Variants in ASTN2 observed in about 807,000 individuals in gnomAD.
ASTN2 encodes the protein astrotactin-2.
ASTN2 carries 54 observed loss-of-function variants against 139.8 expected under a neutral mutation model. The ratio of observed to expected loss-of-function variants is 0.39; its 90% CI spans 0.31 to 0.48. The LOEUF (loss-of-function observed/expected upper bound fraction) is 0.48. Ranked by LOEUF, ASTN2 falls within the 20% of genes least tolerant of loss-of-function variation. The probability of loss-of-function intolerance (pLI) is 0.95; values close to 1 mark genes in which losing one functional copy is unlikely to be tolerated. For synonymous variants in ASTN2, 756 were observed against 719.5 expected (o/e 1.05, Z -0.81); for missense variants, 1,565 against 1,725.1 (o/e 0.91, Z 1.64).
At chr9:117,021,768 A>C (rs1442001035) in intron 6 of ASTN2, among the ~76,000 whole-genome samples, 2 of 152,170 alleles carry the variant, frequency 1.3e-5, no homozygotes, top group Non-Finnish European at 2.9e-5. Context: ...GAGGTAATAC[A>C]TGTAAATTAA....
At chr9:116,836,214 T>C (rs1749706642) in intron 11 of ASTN2, among the ~76,000 whole-genome samples, 1 of 151,714 alleles carries the variant, frequency 6.6e-6, no homozygotes. Flanking sequence ...CCACACTGAG[T>C]GGAAGGTGGC....
intron 1 of ASTN2, among the ~76,000 whole-genome samples, chr9:117,297,590 T>C (rs1220463741): frequency 6.6e-6 from 1 of 152,182 alleles, no homozygotes; most frequent in Non-Finnish European, 1.5e-5. Flanking sequence ...AGGCTTGGGC[T>C]AGGTTAAGGC....
At chr9:116,558,160 C>T (rs1211805423) in intron 19 of ASTN2, among the ~76,000 whole-genome samples, 3 of 152,118 alleles carry the variant, frequency 2.0e-5, no homozygotes, top group Admixed American at 6.6e-5. Flanking sequence ...GCACACAGCC[C>T]CCACCCCATC....
At chr9:116,527,764 ATGCTG>A (rs1851157809) in intron 19 of ASTN2, among the ~76,000 whole-genome samples, 1 of 152,034 alleles carries the variant, frequency 6.6e-6, no homozygotes, top group Non-Finnish European at 1.5e-5. Context: ...GGTCACCCCC[ATGCTG>A]TTCTCATGAT....
intron 2 of ASTN2, among the ~76,000 whole-genome samples, chr9:117,236,167 C>T (rs1409678234): frequency 6.6e-6 from 1 of 152,202 alleles, no homozygotes; most frequent in African/African-American, 2.4e-5. Flanking sequence ...TACTGTGCAA[C>T]AGAGCTCGGA....
At chr9:116,573,883 A>C (rs1187764728) in intron 19 of ASTN2, among the ~76,000 whole-genome samples, 1 of 152,210 alleles carries the variant, frequency 6.6e-6, no homozygotes, top group Admixed American at 6.5e-5. Context: ...AAAGTATAAA[A>C]TGTGGCAGTT....
intron 7 of ASTN2, among the ~76,000 whole-genome samples, chr9:116,998,937 G>A (rs913053278): frequency 2.0e-5 from 3 of 152,114 alleles, no homozygotes; most frequent in Admixed American, 6.6e-5. Context: ...TAGTAACACA[G>A]AGCTCAGCAA....
chr9:117,226,151 G>A (rs1007861371), intron 2 of ASTN2, among the ~76,000 whole-genome samples: 6 of 152,184 alleles, frequency 3.9e-5, no homozygotes, highest in African/African-American at 7.2e-5. Flanking sequence ...AAGTTCAAAG[G>A]TGTGAAGAAC....
At position 116,597,299 on chromosome 9, in the gene ASTN2, A is replaced by ATTTTTGTTTTTTTTTT. The variant is rs1554718677; in HGVS notation, c.3355+21024_3355+21025insAAAAAAAAAACAAAAA. 4.4e-4 allele frequency among the ~76,000 whole-genome samples: 33 copies of ATTTTTGTTTTTTTTTT among 75,540 alleles called. 4 individuals carry two copies. The highest frequency in any genetic ancestry group is 1.5e-3 in the East Asian group (3 of 2,046). 49.6% of individuals were successfully genotyped at this position (75,540 alleles called of 152,430 possible). On this transcript the variant is annotated intron_variant, in intron 19 of 22. Coordinates refer to ENST00000313400, the MANE Select transcript of ASTN2 (RefSeq NM_001365068.1). Reference sequence around the variant, plus strand: ...CAAAATATTCCATGACTTTTGATCTATTTTTTTTTTTTTTTTTTTTTTTTG... The same window carrying ATTTTTGTTTTTTTTTT: ...CAAAATATTCCATGACTTTTGATCTATTTTTGTTTTTTTTTTTTTTTTTTTTTTTTTTTTTTTTTTG...
rs767531348 is a variant in ASTN2, at chr9:116,975,297, G to A, written c.1800C>T (p.Ser600=). ...GQGLWLPVSK[S]FVVPPVELSI... is the part of the protein sequence containing the mutation. ...ACAGCTCCACAGGCGGAACCACAAA[G>A]CTTTTGCTGACAGGAAGCCAGAGGC... is the stretch of plus-strand genomic sequence containing the variant. Residue 600 remains serine, a synonymous_variant, in exon 10 of 23, where the codon AGC becomes AGT. Coordinates refer to ENST00000313400, the MANE Select transcript of ASTN2 (RefSeq NM_001365068.1). 1 of 1,613,552 alleles carries A rather than the reference G, an allele frequency of 6.2e-7. No homozygotes were observed. Among genetic ancestry groups the A allele is most frequent in the South Asian group, 1.1e-5 (1 of 90,958 alleles).
chr9:116,820,933 T>C (rs1831468590), intron 11 of ASTN2, 150 bp from the exon 12 acceptor site: 1 of 824,690 alleles, frequency 1.2e-6, no homozygotes, highest in African/African-American at 1.7e-5. Flanking sequence ...TGTGACAAGT[T>C]CCACAAGTCC....
chr9:116,808,505 T>C (rs1213810904), intron 12 of ASTN2, among the ~76,000 whole-genome samples: 1 of 152,192 alleles, frequency 6.6e-6, no homozygotes, highest in Non-Finnish European at 1.5e-5. Flanking sequence ...TATAGATCTA[T>C]CTTTCTTAAT....
intron 22 of ASTN2, among the ~76,000 whole-genome samples, chr9:116,438,779 T>A (rs1315434955): frequency 6.6e-6 from 1 of 152,042 alleles, no homozygotes; most frequent in African/African-American, 2.4e-5. Context: ...ACCCTCTCTC[T>A]ACTAAAAATA....
chr9:117,317,286 T>C (rs577760501), intron 1 of ASTN2, among the ~76,000 whole-genome samples: 1 of 152,148 alleles, frequency 6.6e-6, no homozygotes, highest in Non-Finnish European at 1.5e-5. Flanking sequence ...TGCCTCTGCC[T>C]CCTTCCGTGT....
chr9:116,600,763 C>A (rs938215020), intron 19 of ASTN2, among the ~76,000 whole-genome samples: 1 of 152,092 alleles, frequency 6.6e-6, no homozygotes, highest in Non-Finnish European at 1.5e-5. Context: ...AAATTCCATA[C>A]TCAGAATTTA....
At chr9:117,290,675 A>T (rs10818018) in intron 2 of ASTN2, among the ~76,000 whole-genome samples, 68,784 of 152,172 alleles carry the variant, frequency 0.45, 16,219 homozygotes, top group South Asian at 0.62. Context: ...GGTGTACAGG[A>T]CATAGTTCAG....
intron 3 of ASTN2, among the ~76,000 whole-genome samples, chr9:117,147,169 C>G (rs1275729611): frequency 6.6e-6 from 1 of 152,122 alleles, no homozygotes; most frequent in Non-Finnish European, 1.5e-5. Context: ...AGAAGAGGCA[C>G]TACACATTAT....
chr9:116,684,986 T>A (rs1051952758), intron 16 of ASTN2, among the ~76,000 whole-genome samples: 6 of 152,186 alleles, frequency 3.9e-5, no homozygotes, highest in African/African-American at 1.4e-4. Flanking sequence ...AACAACCCTA[T>A]CCCAAAGCAG....
intron 22 of ASTN2, among the ~76,000 whole-genome samples, chr9:116,429,817 T>C (rs1194542590): frequency 6.6e-6 from 1 of 152,136 alleles, no homozygotes; most frequent in African/African-American, 2.4e-5. Flanking sequence ...ACGTATGCTG[T>C]TCTGGGAATA....
Sources: gnomAD v4.1 joint callset for allele counts (sites outside exome capture counted in the v4.1 genomes callset) on GRCh38, gnomAD v4.1.1 for gene constraint, MANE v1.5 for transcripts, NCBI Gene and HGNC (gene_info 2026-07-23, HGNC 2026-07-21) for gene names.